RGS22: variants seen among roughly 807,000 people sequenced by gnomAD.
RGS22 encodes regulator of G-protein signaling 22.
A neutral mutation model predicts 172.9 loss-of-function variants in RGS22; 148 were observed. That is an observed-to-expected ratio of 0.86 (90% CI 0.75 to 0.98). The LOEUF (loss-of-function observed/expected upper bound fraction) is 0.98. RGS22 is among the 50% of genes least tolerant of loss of function. The pLI is 0.00. For synonymous variants in RGS22, 458 were observed against 480.2 expected (o/e 0.95, Z 0.60); for missense variants, 1,347 against 1,440.8 (o/e 0.93, Z 1.05).
At chr8:100,065,798 T>G (rs1810493942) in intron 7 of RGS22, among the ~76,000 whole-genome samples, 1 of 152,134 alleles carries the variant, frequency 6.6e-6, no homozygotes, top group Non-Finnish European at 1.5e-5. Context: ...AACAAGAATT[T>G]ATAAACTGTG....
intron 1 of RGS22, 137 bp from the exon 2 acceptor site, chr8:100,105,539 T>C: frequency 1.4e-6 from 1 of 726,572 alleles, no homozygotes; most frequent in Non-Finnish European, 2.4e-6. Context: ...GTTCATTCTC[T>C]GTACATGGCT....
At chr8:100,073,882 TA>T (rs1320368580) in intron 4 of RGS22, among the ~76,000 whole-genome samples, 2 of 152,020 alleles carry the variant, frequency 1.3e-5, no homozygotes, top group Admixed American at 6.6e-5. Flanking sequence ...AAGAATAAAA[TA>T]AAAAATTGAA....
intron 2 of RGS22, among the ~76,000 whole-genome samples, chr8:100,103,459 C>T (rs577865802): frequency 1.4e-4 from 22 of 152,240 alleles, no homozygotes; most frequent in African/African-American, 5.1e-4. Flanking sequence ...AGTGGCACCA[C>T]AAACCAAAAT....
chr8:99,984,031 C>T (rs184714276), intron 21 of RGS22, among the ~76,000 whole-genome samples: 1 of 152,198 alleles, frequency 6.6e-6, no homozygotes, highest in Non-Finnish European at 1.5e-5. Flanking sequence ...TGCCTGTAAT[C>T]CCAACAATTT....
chr8:100,036,958 C>T (rs141050864), intron 14 of RGS22, among the ~76,000 whole-genome samples: 724 of 152,168 alleles, frequency 4.8e-3, no homozygotes, highest in Non-Finnish European at 8.5e-3. Context: ...ATCAATCCAA[C>T]GATCTAAATT....
At chr8:100,022,560 G>A (rs968453512) in intron 14 of RGS22, among the ~76,000 whole-genome samples, 2 of 152,014 alleles carry the variant, frequency 1.3e-5, no homozygotes, top group East Asian at 3.9e-4. Flanking sequence ...TTATTACTAT[G>A]CAGTTTAAGG....
intron 23 of RGS22, among the ~76,000 whole-genome samples, chr8:99,977,276 T>C (rs1279180689): frequency 8.1e-6 from 1 of 123,624 alleles, no homozygotes; most frequent in African/African-American, 3.6e-5. Flanking sequence ...GTTAATTTTT[T>C]TTTTTTTTTT....
chr8:100,040,140 T>C, intron 12 of RGS22, 53 bp from the exon 13 acceptor site: 1 of 1,524,084 alleles, frequency 6.6e-7, no homozygotes, highest in Non-Finnish European at 8.9e-7. Context: ...GTAATTTTTT[T>C]ATGGCATTAC....
At chr8:100,099,911 G>C (rs1476408833) in intron 2 of RGS22, among the ~76,000 whole-genome samples, 1 of 152,174 alleles carries the variant, frequency 6.6e-6, no homozygotes, top group Non-Finnish European at 1.5e-5. Flanking sequence ...AAGCTGCCTA[G>C]TGTGTCAGCC....
intron 9 of RGS22, among the ~76,000 whole-genome samples, chr8:100,053,600 A>G (rs943722692): frequency 1.3e-5 from 2 of 152,240 alleles, no homozygotes; most frequent in African/African-American, 4.8e-5. Context: ...ATTTATCTAT[A>G]ATAAAAATTG....
intron 14 of RGS22, among the ~76,000 whole-genome samples, chr8:100,017,214 T>G (rs1817084580): frequency 6.6e-6 from 1 of 152,008 alleles, no homozygotes; most frequent in Non-Finnish European, 1.5e-5. Flanking sequence ...GCTCAAGTGA[T>G]CCTTCCCTCT....
chr8:100,044,238 GT>G (rs529209993), intron 11 of RGS22, among the ~76,000 whole-genome samples: 16 of 152,082 alleles, frequency 1.1e-4, no homozygotes, highest in South Asian at 6.2e-4. Context: ...GCTCATTCTG[GT>G]TTTTTTGTTT....
At chr8:100,025,853 G>A (rs1818118453) in intron 14 of RGS22, among the ~76,000 whole-genome samples, 1 of 152,294 alleles carries the variant, frequency 6.6e-6, no homozygotes, top group Middle Eastern at 3.4e-3. Flanking sequence ...TTTTACGGGG[G>A]AGGAGCTACA....
intron 15 of RGS22, 90 bp downstream of exon 15, chr8:100,008,285 G>T: frequency 8.2e-7 from 1 of 1,215,928 alleles, no homozygotes; most frequent in Non-Finnish European, 1.2e-6. Flanking sequence ...TGATCCACCC[G>T]CCTCGGCCTC....
At chr8:100,039,658 G>A (rs1006466558) in intron 13 of RGS22, among the ~76,000 whole-genome samples, 4 of 152,008 alleles carry the variant, frequency 2.6e-5, no homozygotes, top group African/African-American at 9.6e-5. Context: ...TTACAGGCAT[G>A]AGCCACCGCG....
Position 99,965,409 on chromosome 8 carries a change from T to C in RGS22, c.3541A>G (p.Asn1181Asp). The part of the protein sequence containing the change: ...SGKDGIKQYA[N>D]TSVPAIKTAL... ...GTTTTGATAGCAGGCACTGAAGTAT[T>C]TGCATATTGTTTGATTCCATCCTGT... The change falls in exon 24 of 28, where the codon AAT becomes GAT. Residue 1181 changes from asparagine (N) to aspartate (D), a missense_variant. By Grantham distance (23) the Asn-to-Asp change is conservative. Transcript: ENST00000360863. 2 of 1,611,968 alleles carry C rather than the reference T, an allele frequency of 1.2e-6. No individual in the cohort carries two copies. The highest frequency in any genetic ancestry group is 1.7e-6 in the Non-Finnish European group (2 of 1,178,408).
chr8:100,027,371 A>G (rs1818295301), intron 14 of RGS22, among the ~76,000 whole-genome samples: 1 of 152,238 alleles, frequency 6.6e-6, no homozygotes, highest in Admixed American at 6.5e-5. Flanking sequence ...TCCACAGAAC[A>G]TTACTTGGCA....
At chr8:100,104,839 T>G (rs1398842793) in intron 2 of RGS22, among the ~76,000 whole-genome samples, 1 of 152,208 alleles carries the variant, frequency 6.6e-6, no homozygotes, top group East Asian at 1.9e-4. Flanking sequence ...CCTGAAACAC[T>G]GTATACAATG....
intron 21 of RGS22, among the ~76,000 whole-genome samples, chr8:99,986,051 G>A (rs1369667636): frequency 1.3e-5 from 2 of 151,820 alleles, no homozygotes; most frequent in Non-Finnish European, 2.9e-5. Flanking sequence ...GCATCATAGG[G>A]AGACCCCATC....
Sources: allele counts gnomAD v4.1 joint callset (sites outside exome capture counted in the v4.1 genomes callset), GRCh38; gene constraint gnomAD v4.1.1; transcripts MANE v1.5; gene names NCBI Gene and HGNC (gene_info 2026-07-23, HGNC 2026-07-21).